Variants in IL23R observed in about 807,000 individuals in gnomAD.
IL23R encodes interleukin-23 receptor.
In IL23R, 34 loss-of-function variants were observed where a neutral mutation model predicts 56.9. The ratio of observed to expected loss-of-function variants is 0.60; its 90% CI spans 0.45 to 0.80. The LOEUF (loss-of-function observed/expected upper bound fraction) is 0.80. Ranked by LOEUF, IL23R falls within the 30% of genes least tolerant of loss-of-function variation. IL23R has a pLI of 0.00. For missense variants in IL23R, 635 were observed against 730.0 expected (o/e 0.87, Z 1.50); for synonymous variants, 230 against 249.2 (o/e 0.92, Z 0.73).
chr1:67,259,155 A>G lies in IL23R; in HGVS notation c.*27A>G. The G allele has an allele frequency of 1.2e-6, 2 of 1,611,828 alleles. No individual in the cohort carries two copies. Among genetic ancestry groups the G allele is most frequent in the South Asian group, 2.2e-5 (2 of 90,754 alleles). The stretch of plus-strand genomic sequence containing the variant: ...GCTGTGTGGTCAAAATCAATATGAG[A>G]AAGCTGCCTTGCAATCTGAACTTGG... On this transcript the variant is annotated 3_prime_UTR_variant, in exon 11 of 11. Coordinates refer to ENST00000347310, the MANE Select transcript of IL23R (RefSeq NM_144701.3).
Position 67,258,811 on chromosome 1 carries a change from C to G in IL23R, c.1573C>G (p.Gln525Glu). 6.2e-7 allele frequency: 1 copy of G among 1,612,010 alleles called. No individual in the cohort carries two copies. The highest frequency in any genetic ancestry group is 1.1e-5 in the South Asian group (1 of 90,986). ...SLDSGNNPRL[Q>E]KHPNFAFSVS... ...AGACTCAGGAAATAATCCCAGGTTA[C>G]AAAAGCATCCTAATTTTGCTTTTTC... is the stretch of plus-strand genomic sequence containing the variant. The change falls in exon 11 of 11, where the codon CAA (glutamine) becomes GAA (glutamate). Residue 525 changes from glutamine to glutamate, a missense_variant. By Grantham distance (29) the Gln-to-Glu change is conservative (BLOSUM62 2). Transcript: ENST00000347310.
At chr1:67,256,168 A>C (rs1007426989) in intron 10 of IL23R, among the ~76,000 whole-genome samples, 25 of 152,220 alleles carry the variant, frequency 1.6e-4, no homozygotes, top group Non-Finnish European at 3.4e-4. Context: ...AAAAGAGAAA[A>C]GTGAAGTGGA....
At chr1:67,235,756 A>G (rs940248320) in intron 7 of IL23R, among the ~76,000 whole-genome samples, 2 of 152,162 alleles carry the variant, frequency 1.3e-5, no homozygotes, top group Non-Finnish European at 2.9e-5. Flanking sequence ...AATGTAGGAC[A>G]CTTTTCTCAA....
rs1653085582 is a variant in IL23R, at chr1:67,258,689, A to G, written c.1451A>G (p.Tyr484Cys). Residue 484 changes from tyrosine (Y) to cysteine (C), a missense_variant, in exon 11 of 11, where the codon TAT becomes TGT. By Grantham distance (194) the Tyr-to-Cys change is radical (BLOSUM62 -2). Coordinates refer to ENST00000347310, the MANE Select transcript of IL23R (RefSeq NM_144701.3). ...TATATTCCTGATCTCAACACTGGAT[A>G]TAAACCCCAAATTTCAAATTTTCTG... ...VVYIPDLNTG[Y>C]KPQISNFLPE... The G allele has an allele frequency of 6.2e-7, 1 of 1,613,806 alleles. No homozygotes were observed. Among genetic ancestry groups the G allele is most frequent in the Non-Finnish European group, 8.5e-7 (1 of 1,179,948 alleles).
chr1:67,154,065 G>A (rs891527938), intron 1 of IL23R, among the ~76,000 whole-genome samples: 3 of 152,206 alleles, frequency 2.0e-5, no homozygotes, highest in Non-Finnish European at 2.9e-5. Context: ...ACTGCGCCCG[G>A]CCTTGAGTAA....
At chr1:67,262,056 G>C (rs1653218010), downstream of IL23R, among the ~76,000 whole-genome samples, 1 of 152,164 alleles carries the variant, frequency 6.6e-6, no homozygotes, top group South Asian at 2.1e-4. Context: ...CCCAACTCAG[G>C]GGAAAAATTC....
At chr1:67,205,356 A>G (rs773186429) in intron 5 of IL23R, among the ~76,000 whole-genome samples, 1 of 152,246 alleles carries the variant, frequency 6.6e-6, no homozygotes, top group Non-Finnish European at 1.5e-5. Context: ...ATTTTCTTAA[A>G]GAAAGTTTTA....
chr1:67,195,878 G>A (rs1357163301), intron 4 of IL23R, among the ~76,000 whole-genome samples: 3 of 152,150 alleles, frequency 2.0e-5, no homozygotes, highest in African/African-American at 7.2e-5. Context: ...CATAAGGCTG[G>A]TTCCTTTTCT....
chr1:67,167,410 T>C (rs1299907327), intron 1 of IL23R, among the ~76,000 whole-genome samples: 2 of 152,192 alleles, frequency 1.3e-5, no homozygotes, highest in Non-Finnish European at 2.9e-5. Flanking sequence ...TGAGAGCACA[T>C]ATTGCTTAAT....
chr1:67,196,532 C>A (rs866963080), intron 4 of IL23R, among the ~76,000 whole-genome samples: 1 of 152,046 alleles, frequency 6.6e-6, no homozygotes, highest in Non-Finnish European at 1.5e-5. Context: ...CAGAGTGAGA[C>A]CCTGTCTCTA....
chr1:67,164,675 A>ATAAAATAAAG (rs1371358611), upstream of IL23R, among the ~76,000 whole-genome samples: 1 of 151,754 alleles, frequency 6.6e-6, no homozygotes, highest in Non-Finnish European at 1.5e-5. Context: ...ATAAAATAAA[A>ATAAAATAAAG]TAAAACAAAA....
At chr1:67,146,818 C>A (rs747473529) in intron 1 of IL23R, among the ~76,000 whole-genome samples, 3 of 152,204 alleles carry the variant, frequency 2.0e-5, no homozygotes, top group Non-Finnish European at 4.4e-5. Flanking sequence ...GGATACCTCC[C>A]CTATCTTCAC....
chr1:67,148,957 T>C lies in IL23R; in HGVS notation c.-634+9796T>C, dbSNP rs184716112. On this transcript the variant is annotated intron_variant, in intron 1 of 10. Coordinates refer to the IL23R transcript ENST00000637002. ...GGAGTACAGCCACTCTAGTCATCAC[T>C]GCCTGGCAGGGCTGCCCTAGCCAAC... Among the ~76,000 whole-genome samples the C allele has an allele frequency of 3.3e-4, 50 of 152,276 alleles. No individual in the cohort carries two copies. The East Asian group carries it at 9.1e-3, about 28-fold the overall frequency.
chr1:67,250,149 T>A (rs547950707), intron 9 of IL23R, among the ~76,000 whole-genome samples: 1 of 152,364 alleles, frequency 6.6e-6, no homozygotes, highest in South Asian at 2.1e-4. Flanking sequence ...CATTTTAGTT[T>A]CCTGACACAC....
intron 3 of IL23R, among the ~76,000 whole-genome samples, chr1:67,174,575 C>T (rs756029571): frequency 2.0e-5 from 3 of 151,852 alleles, no homozygotes; most frequent in Non-Finnish European, 4.4e-5. Context: ...ATTCTCTGAG[C>T]AGTCAAGTGT....
intron 7 of IL23R, among the ~76,000 whole-genome samples, chr1:67,232,050 A>G (rs527649681): frequency 6.6e-6 from 1 of 152,262 alleles, no homozygotes; most frequent in South Asian, 2.1e-4. Flanking sequence ...AAAAGGCAAG[A>G]CAAAACATTT....
intron 3 of IL23R, 93 bp downstream of exon 3, chr1:67,169,731 A>G (rs1487918544): frequency 8.4e-7 from 1 of 1,187,850 alleles, no homozygotes; most frequent in South Asian, 1.2e-5. Flanking sequence ...GGACAAAATA[A>G]TATAGTTCAG....
chr1:67,205,928 T>C (rs1027494185), intron 5 of IL23R, among the ~76,000 whole-genome samples: 1 of 151,088 alleles, frequency 6.6e-6, no homozygotes, highest in African/African-American at 2.4e-5. Context: ...TCTTTCTTTT[T>C]CTTTCTTTCT....
chr1:67,163,091 C>T (rs1446318321), upstream of IL23R, among the ~76,000 whole-genome samples: 1 of 151,992 alleles, frequency 6.6e-6, no homozygotes, highest in African/African-American at 2.4e-5. Flanking sequence ...TCTTTTTTCT[C>T]CAACAAAGCT....
Sources: allele counts gnomAD v4.1 joint callset (sites outside exome capture counted in the v4.1 genomes callset), GRCh38; gene constraint gnomAD v4.1.1; transcripts MANE v1.5; gene names NCBI Gene and HGNC (gene_info 2026-07-23, HGNC 2026-07-21).